The following ZNF33A variants were observed in gnomAD, a reference collection of about 807,000 sequenced individuals.
ZNF33A encodes the protein brain my041 protein.
Under a neutral mutation model 15.9 loss-of-function variants are expected in ZNF33A, and 9 were observed. The ratio of observed to expected loss-of-function variants is 0.57; its 90% CI spans 0.34 to 0.99. The LOEUF (loss-of-function observed/expected upper bound fraction) is 0.99, where lower values mean the gene tolerates loss of function less well. Ranked by LOEUF, ZNF33A falls within the 50% of genes least tolerant of loss-of-function variation. ZNF33A has a pLI of 0.02. For synonymous variants in ZNF33A, 294 were observed against 324.2 expected (o/e 0.91, Z 1.00); for missense variants, 843 against 941.6 (o/e 0.90, Z 1.37).
At chr10:38,047,693 T>C (rs1398714064) in intron 4 of ZNF33A, among the ~76,000 whole-genome samples, 1 of 142,506 alleles carries the variant, frequency 7.0e-6, no homozygotes, top group African/African-American at 2.6e-5. Flanking sequence ...TAAGAGAACT[T>C]CAAGTAGTCT....
chr10:38,052,105 A>G (rs551016145), intron 4 of ZNF33A, among the ~76,000 whole-genome samples: 1 of 152,288 alleles, frequency 6.6e-6, no homozygotes, highest in East Asian at 1.9e-4. Context: ...ATAGTGTAAT[A>G]TATACTACTT....
chr10:38,038,650 T>C (rs2065557295), intron 4 of ZNF33A, among the ~76,000 whole-genome samples: 1 of 152,198 alleles, frequency 6.6e-6, no homozygotes, highest in African/African-American at 2.4e-5. Flanking sequence ...GACATTCTTG[T>C]CTTCTTTTTG....
At chr10:38,041,037 C>T (rs1338176821) in intron 4 of ZNF33A, among the ~76,000 whole-genome samples, 1 of 152,170 alleles carries the variant, frequency 6.6e-6, no homozygotes, top group Non-Finnish European at 1.5e-5. Context: ...GGTTTTACCT[C>T]TGCCATTTTT....
chr10:38,042,951 G>A (rs1433264869), intron 4 of ZNF33A, among the ~76,000 whole-genome samples: 1 of 152,100 alleles, frequency 6.6e-6, no homozygotes, highest in Non-Finnish European at 1.5e-5. Context: ...AATTGGGTAG[G>A]AAAAGAAAGG....
intron 4 of ZNF33A, among the ~76,000 whole-genome samples, chr10:38,051,686 G>A (rs1461316818): frequency 4.0e-5 from 6 of 151,692 alleles, no homozygotes; most frequent in Non-Finnish European, 8.8e-5. Flanking sequence ...TATATATTAC[G>A]ATTATACCTA....
intron 4 of ZNF33A, among the ~76,000 whole-genome samples, chr10:38,048,384 A>G (rs927528078): frequency 7.2e-5 from 11 of 152,252 alleles, no homozygotes; most frequent in African/African-American, 1.9e-4. Context: ...AGTATATACT[A>G]TTGGAAGATC....
chr10:38,011,863 C>T (rs543204453), intron 1 of ZNF33A, among the ~76,000 whole-genome samples: 2 of 152,326 alleles, frequency 1.3e-5, no homozygotes, highest in East Asian at 3.9e-4. Flanking sequence ...TGGAGTCACT[C>T]ACCAGAGGTT....
upstream of ZNF33A, chr10:38,010,610 G>A (rs769252654): frequency 4.2e-6 from 5 of 1,181,804 alleles, no homozygotes; most frequent in Admixed American, 5.0e-5. Context: ...TTCCAGGTAG[G>A]GCGCCAACAG....
intron 4 of ZNF33A, 96 bp from the exon 5 acceptor site, chr10:38,054,279 C>T (rs1590699143): frequency 3.1e-6 from 4 of 1,310,476 alleles, no homozygotes; most frequent in East Asian, 5.1e-5. Context: ...GGCCAAAAAA[C>T]CAGTCAGCTG....
chr10:38,011,156 C>T (rs1027902305), intron 1 of ZNF33A, among the ~76,000 whole-genome samples: 2 of 152,230 alleles, frequency 1.3e-5, no homozygotes, highest in African/African-American at 4.8e-5. Flanking sequence ...GCCAGACCGG[C>T]AGACTCGGTT....
chr10:38,065,988 G>C (rs1397776391), downstream of ZNF33A, among the ~76,000 whole-genome samples: 1 of 151,964 alleles, frequency 6.6e-6, no homozygotes, highest in East Asian at 1.9e-4. Context: ...CACTGCCCCT[G>C]GCCTGGGACA....
chr10:38,019,145 C>G (rs1252060700), intron 4 of ZNF33A, among the ~76,000 whole-genome samples: 1 of 151,718 alleles, frequency 6.6e-6, no homozygotes, highest in Admixed American at 6.6e-5. Context: ...CTCCCCCCAC[C>G]CCGTAACAGT....
rs573864861 is a variant in ZNF33A, at chr10:38,031,733, G to A, written c.250+14347G>A. On this transcript the variant is annotated intron_variant, in intron 4 of 4. Transcript: ENST00000432900. The stretch of plus-strand genomic sequence containing the variant: ...TAACCCCAGCACTTTGGGAGGCTGA[G>A]GCGGGCAGATCATGAGGTCAGGAGA... Among the ~76,000 whole-genome samples the A allele has an allele frequency of 1.4e-4, 21 of 152,122 alleles. No individual in the cohort carries two copies. The South Asian group carries it at 4.4e-3, about 32-fold the overall frequency.
At chr10:38,028,269 A>C (rs2065064235) in intron 4 of ZNF33A, among the ~76,000 whole-genome samples, 1 of 151,894 alleles carries the variant, frequency 6.6e-6, no homozygotes, top group Non-Finnish European at 1.5e-5. Flanking sequence ...TCCTGTCTAA[A>C]ATAAATAAAT....
At chr10:38,066,165 G>A (rs1198466061), downstream of ZNF33A, among the ~76,000 whole-genome samples, 6 of 152,230 alleles carry the variant, frequency 3.9e-5, no homozygotes, top group South Asian at 4.1e-4. Context: ...GCTTTTCTTC[G>A]ACACAGTCCC....
Position 38,057,265 on chromosome 10 carries a change from G to A in ZNF33A, c.*705G>A. On this transcript the variant is annotated 3_prime_UTR_variant, in exon 5 of 5. Transcript: ENST00000432900. Reference sequence around the variant, plus strand: ...AGGATTACAAAGGATTTAGCCTCAAGTAGTTCCCTTTTTGTATTAATAACC... The same window carrying A: ...AGGATTACAAAGGATTTAGCCTCAAATAGTTCCCTTTTTGTATTAATAACC... The A allele has an allele frequency of 4.5e-5, 44 of 985,008 alleles. No individual in the cohort carries two copies. The highest frequency in any genetic ancestry group is 5.3e-5 in the Non-Finnish European group (44 of 829,536). 61.0% of individuals were successfully genotyped at this position (985,008 alleles called of 1,614,324 possible). A position where few individuals can be genotyped will look rare whatever the true frequency, so the allele number is the denominator to read the frequency against.
At chr10:38,018,921 G>T (rs1466644002) in intron 4 of ZNF33A, among the ~76,000 whole-genome samples, 1 of 151,172 alleles carries the variant, frequency 6.6e-6, no homozygotes. Flanking sequence ...TTAAATTTTT[G>T]AAAACCAAAG....
At chr10:38,035,158 C>G (rs112880747) in intron 4 of ZNF33A, among the ~76,000 whole-genome samples, 30,062 of 132,628 alleles carry the variant, frequency 0.23, 3,406 homozygotes, top group East Asian at 0.42. Flanking sequence ...CCCTCTGTCA[C>G]CCAGGTTGGA....
intron 4 of ZNF33A, among the ~76,000 whole-genome samples, chr10:38,048,260 A>T (rs954429308): frequency 1.3e-5 from 2 of 152,190 alleles, no homozygotes; most frequent in Admixed American, 6.6e-5. Context: ...CTTCATGTAA[A>T]TCTCTAAAAA....
Sources: allele counts gnomAD v4.1 joint callset (sites outside exome capture counted in the v4.1 genomes callset), GRCh38; gene constraint gnomAD v4.1.1; transcripts MANE v1.5; gene names NCBI Gene and HGNC (gene_info 2026-07-23, HGNC 2026-07-21).